ATP2C2: variants seen among roughly 807,000 people sequenced by gnomAD.
ATP2C2 encodes ATPase secretory pathway Ca2+ transporting 2, also known as calcium-transporting ATPase type 2C member 2.
In ATP2C2, 171 loss-of-function variants were observed where a neutral mutation model predicts 110.8. The ratio of observed to expected loss-of-function variants is 1.54; its 90% CI spans 1.36 to 1.75. The LOEUF (loss-of-function observed/expected upper bound fraction) is 1.75, where lower values mean the gene tolerates loss of function less well. Ranked by LOEUF, ATP2C2 falls within the 40% of genes most tolerant of loss-of-function variation. The pLI is 0.00. For synonymous variants in ATP2C2, 804 were observed against 508.4 expected, an observed-to-expected ratio of 1.58 and a Z score of -7.82; for missense variants, 1,963 against 1,235.0, an observed-to-expected ratio of 1.59 and a Z score of -8.84.
chr16:84,396,324 T>C lies in ATP2C2; in HGVS notation c.100-2175T>C, dbSNP rs147085782. Reference sequence around the variant, plus strand: ...ACTTTTGGAGGCTGAGGCAGGCAGATCACCTGAGGTCAGAAATTTGAGACC... The same window carrying C: ...ACTTTTGGAGGCTGAGGCAGGCAGACCACCTGAGGTCAGAAATTTGAGACC... On this transcript the variant is annotated intron_variant, in intron 1 of 26. Transcript: ENST00000262429. Among the ~76,000 whole-genome samples the C allele has an allele frequency of 4.5e-3, 690 of 152,122 alleles. 3 individuals carry two copies. The highest frequency in any genetic ancestry group is 7.4e-3 in the Non-Finnish European group (505 of 67,988).
chr16:84,450,245 C>G (rs1380022213), intron 17 of ATP2C2, among the ~76,000 whole-genome samples: 1 of 152,186 alleles, frequency 6.6e-6, no homozygotes, highest in Admixed American at 6.5e-5. Flanking sequence ...TTAGAGAAGG[C>G]CTGTGCGTTT....
chr16:84,435,584 G>C (rs1349296572), intron 11 of ATP2C2, among the ~76,000 whole-genome samples: 1 of 152,186 alleles, frequency 6.6e-6, no homozygotes, highest in Admixed American at 6.5e-5. Flanking sequence ...CCAGCACTTG[G>C]GAATGCTGAG....
In ATP2C2 at chr16:84,422,432, G is replaced by A; in HGVS notation, c.667G>A (p.Ala223Thr). The A allele has an allele frequency of 6.2e-7, 1 of 1,614,164 alleles. No homozygotes were observed. Among genetic ancestry groups the A allele is most frequent in the African/African-American group, 1.3e-5 (1 of 75,028 alleles). The stretch of plus-strand genomic sequence containing the variant: ...GGATGAATCCAGTTTCACCGGGGAA[G>A]CCGAGCCATGTAGTAAAACAGACAG... ...LVDESSFTGE[A>T]EPCSKTDSPL... The change falls in exon 8 of 27, where the codon GCC becomes ACC. Residue 223 changes from alanine (A) to threonine (T), a missense_variant. Transcript: ENST00000262429.
intron 1 of ATP2C2, among the ~76,000 whole-genome samples, chr16:84,374,711 G>C (rs970663754): frequency 5.3e-5 from 8 of 152,134 alleles, no homozygotes; most frequent in Admixed American, 1.3e-4. Context: ...CACACAAATT[G>C]TTTGTAGATT....
At position 84,430,665 on chromosome 16, in the gene ATP2C2, C is replaced by G. The variant is rs144895133; in HGVS notation, c.986+4864C>G. On this transcript the variant is annotated intron_variant, in intron 11 of 26. Coordinates refer to ENST00000262429, the MANE Select transcript of ATP2C2 (RefSeq NM_014861.4). ...AAAAAAAAAAAAAAAAAAGTCAGTT[C>G]TAGAATCTTCAAGGAATTGAAGAGG... Among the ~76,000 whole-genome samples, 247 of 145,462 alleles carry G rather than the reference C, an allele frequency of 1.7e-3. 3 individuals carry two copies. Among genetic ancestry groups the G allele is most frequent in the African/African-American group, 5.9e-3 (233 of 39,614 alleles).
In ATP2C2 at chr16:84,418,322, C is replaced by T. The variant is rs1444610684; in HGVS notation, c.624+2731C>T. ...CCGACTCTATTTTCGCCCCTCACCC[C>T]TCCTTGCCCCTTACCTGAGATTGTG... On this transcript the variant is annotated intron_variant, in intron 7 of 26. Coordinates refer to ENST00000262429, the MANE Select transcript of ATP2C2 (RefSeq NM_014861.4). Among the ~76,000 whole-genome samples, 3 of 152,266 alleles carry T rather than the reference C, an allele frequency of 2.0e-5. No individual in the cohort carries two copies. The East Asian group carries it at 5.8e-4, about 29-fold the overall frequency.
intron 1 of ATP2C2, among the ~76,000 whole-genome samples, chr16:84,382,586 G>T (rs191277758): frequency 1.2e-3 from 189 of 152,270 alleles, no homozygotes; most frequent in Non-Finnish European, 2.2e-3. Flanking sequence ...GGGCTCAAAG[G>T]CTGACCATAG....
chr16:84,463,370 G>A (rs1911588663), intron 26 of ATP2C2, among the ~76,000 whole-genome samples: 2 of 152,252 alleles, frequency 1.3e-5, no homozygotes, highest in African/African-American at 2.4e-5. Flanking sequence ...GCTCCCAGCT[G>A]CCTGCCAGAC....
intron 21 of ATP2C2, among the ~76,000 whole-genome samples, 154 bp downstream of exon 21, chr16:84,455,138 C>A (rs1409992654): frequency 6.6e-6 from 1 of 152,060 alleles, no homozygotes. Context: ...CAGGTGCCCC[C>A]AACCCCAAGT....
intron 1 of ATP2C2, among the ~76,000 whole-genome samples, chr16:84,397,653 G>GCCAAAAAAAAAA (rs1905068475): frequency 2.6e-4 from 1 of 3,798 alleles, no homozygotes; most frequent in Non-Finnish European, 1.0e-3. Flanking sequence ...CAGCCTGGGT[G>GCCAAAAAAAAAA]ACAAAAAAAA....
chr16:84,441,279 T>TA (rs1005818240), intron 14 of ATP2C2, among the ~76,000 whole-genome samples: 2 of 151,662 alleles, frequency 1.3e-5, no homozygotes, highest in Non-Finnish European at 1.5e-5. Flanking sequence ...TTATTTTTTT[T>TA]AAAAAAATTA....
chr16:84,417,251 G>A (rs1008994), intron 7 of ATP2C2, among the ~76,000 whole-genome samples: 2 of 152,058 alleles, frequency 1.3e-5, no homozygotes, highest in African/African-American at 4.8e-5. Flanking sequence ...GCAGGTGTGG[G>A]GGCTGCCGTA....
At chr16:84,433,171 G>A (rs1013103069) in intron 11 of ATP2C2, among the ~76,000 whole-genome samples, 1 of 152,108 alleles carries the variant, frequency 6.6e-6, no homozygotes, top group African/African-American at 2.4e-5. Flanking sequence ...CTTGAGCCCA[G>A]GAGTTTGAGA....
chr16:84,382,436 G>C (rs1262253761), intron 1 of ATP2C2, among the ~76,000 whole-genome samples: 2 of 152,308 alleles, frequency 1.3e-5, no homozygotes, highest in South Asian at 4.1e-4. Flanking sequence ...CCCCTTTTAA[G>C]AACAGTTGCA....
intron 2 of ATP2C2, 191 bp from the exon 3 acceptor site, chr16:84,404,937 G>T (rs1460245523): frequency 2.9e-6 from 2 of 693,808 alleles, no homozygotes; most frequent in East Asian, 5.5e-5. Context: ...ATGGTCACTG[G>T]CTTGTGCCTT....
intron 4 of ATP2C2, among the ~76,000 whole-genome samples, 156 bp from the exon 5 acceptor site, chr16:84,410,412 C>G (rs945380116): frequency 2.6e-5 from 4 of 152,100 alleles, no homozygotes; most frequent in African/African-American, 4.8e-5. Flanking sequence ...TTTTCCTGCT[C>G]TTTTGGCTAG....
At chr16:84,429,355 G>A (rs1567717557) in intron 11 of ATP2C2, among the ~76,000 whole-genome samples, 1 of 152,010 alleles carries the variant, frequency 6.6e-6, no homozygotes, top group Non-Finnish European at 1.5e-5. Flanking sequence ...ATTTCACCAT[G>A]TTGGCTAGGC....
chr16:84,376,470 G>C (rs1388573499), intron 1 of ATP2C2, among the ~76,000 whole-genome samples: 1 of 152,078 alleles, frequency 6.6e-6, no homozygotes, highest in Non-Finnish European at 1.5e-5. Context: ...GCCCAAGATA[G>C]CTTTGAATGC....
At position 84,440,850 on chromosome 16, in the gene ATP2C2, C is replaced by T. The variant is rs377423196; in HGVS notation, c.1210-7C>T. 8.1e-6 allele frequency: 13 copies of T among 1,609,970 alleles called. No homozygotes were observed. The highest frequency in any genetic ancestry group is 1.1e-5 in the Non-Finnish European group (13 of 1,177,778). On this transcript the variant is annotated splice_region_variant and splice_polypyrimidine_tract_variant and intron_variant, in intron 13 of 26. Transcript: ENST00000262429. Reference sequence around the variant, plus strand: ...GGCGAAACCCTTTCTTCTGCCTCGCCCTGCAGGTCAGCGGAGTTGGGTATG... The same window carrying T: ...GGCGAAACCCTTTCTTCTGCCTCGCTCTGCAGGTCAGCGGAGTTGGGTATG...
Sources: allele counts gnomAD v4.1 joint callset (sites outside exome capture counted in the v4.1 genomes callset), GRCh38; gene constraint gnomAD v4.1.1; transcripts MANE v1.5; gene names NCBI Gene and HGNC (gene_info 2026-07-23, HGNC 2026-07-21).